The following RBFOX2 variants were observed in gnomAD, a reference collection of about 807,000 sequenced individuals.
The protein encoded by RBFOX2 is RNA binding fox-1 homolog 2, also known as RNA binding protein fox-1 homolog 2.
A neutral mutation model predicts 49.1 loss-of-function variants in RBFOX2; 10 were observed. The ratio of observed to expected loss-of-function variants is 0.20; its 90% CI spans 0.13 to 0.35. RBFOX2 has a LOEUF of 0.35. RBFOX2 is among the 10% of genes least tolerant of loss of function. The pLI, the probability that RBFOX2 is intolerant of heterozygous loss-of-function variation, is 1.00. For missense variants in RBFOX2, 323 were observed against 486.9 expected (o/e 0.66, Z 3.17); for synonymous variants, 183 against 187.4 (o/e 0.98, Z 0.19).
chr22:35,763,804 C>T (rs1376485676), intron 6 of RBFOX2, among the ~76,000 whole-genome samples: 2 of 151,986 alleles, frequency 1.3e-5, no homozygotes, highest in South Asian at 4.2e-4. Context: ...CTTAAAAAAT[C>T]CTGGTGCCAA....
intron 1 of RBFOX2, among the ~76,000 whole-genome samples, chr22:35,945,713 G>A (rs914029304): frequency 3.3e-5 from 5 of 152,086 alleles, no homozygotes; most frequent in East Asian, 1.9e-4. Context: ...CTGGGATTAC[G>A]GGAATAAGCC....
upstream of RBFOX2, among the ~76,000 whole-genome samples, chr22:35,943,182 G>A (rs2149781886): frequency 6.6e-6 from 1 of 152,344 alleles, no homozygotes; most frequent in South Asian, 2.1e-4. Context: ...TTTTGTGCCA[G>A]TCGAATAGTG....
At chr22:35,835,460 CAG>C (rs1039490868) in intron 1 of RBFOX2, among the ~76,000 whole-genome samples, 3 of 150,808 alleles carry the variant, frequency 2.0e-5, no homozygotes, top group Admixed American at 2.0e-4. Flanking sequence ...CTGTGTAGAT[CAG>C]AGTTTGGAAT....
intron 1 of RBFOX2, among the ~76,000 whole-genome samples, chr22:35,925,898 A>G (rs1249568388): frequency 6.6e-6 from 1 of 152,248 alleles, no homozygotes; most frequent in Non-Finnish European, 1.5e-5. Flanking sequence ...GCATGATTAC[A>G]TAGTACTTGC....
In RBFOX2 at chr22:36,028,428, G is replaced by A. The variant is rs911403423; in HGVS notation, c.-3C>T. 8 of 1,211,282 alleles carry A rather than the reference G, an allele frequency of 6.6e-6. No individual in the cohort carries two copies. In the African/African-American group the frequency reaches 1.3e-4, roughly 19 times the overall value. The allele number at this position is 1,211,282 out of a possible 1,614,324, so 75.0% of individuals were successfully genotyped here. On this transcript the variant is annotated 5_prime_UTR_variant, in exon 1 of 14. Transcript: ENST00000438146. ...TGCGGCTGGGCGCCCTCCGCCATCC[G>A]CCCGCGCCCCCCTCGCCTCCGGGAG...
chr22:36,010,235 C>T (rs983210864), intron 1 of RBFOX2, among the ~76,000 whole-genome samples: 3 of 152,094 alleles, frequency 2.0e-5, no homozygotes, highest in Admixed American at 1.3e-4. Context: ...ACCCATCTCT[C>T]GACTGCTAGG....
chr22:36,028,258 G>A, exon 1 of RBFOX2: 3 of 1,529,106 alleles, frequency 2.0e-6, no homozygotes, highest in East Asian at 2.7e-5. Flanking sequence ...CGCCGCCACC[G>A]TCGGCCGCCG....
At position 35,938,841 on chromosome 22, in the gene RBFOX2, A is replaced by G. The variant is rs760701398; in HGVS notation, c.-34+6T>C. On this transcript the variant is annotated splice_donor_region_variant and intron_variant, in intron 1 of 13. Coordinates refer to the RBFOX2 transcript ENST00000359369. ...ATCATCTGAGTTACAAACAGCAGATACCAACCTGGCTGTCCCGCGCTGGGA... is the reference window on the plus strand; with the variant it reads ...ATCATCTGAGTTACAAACAGCAGATGCCAACCTGGCTGTCCCGCGCTGGGA... The G allele has an allele frequency of 6.2e-7, 1 of 1,612,686 alleles. No individual in the cohort carries two copies. The highest frequency in any genetic ancestry group is 1.7e-5 in the Admixed American group (1 of 60,010).
At chr22:35,984,730 G>T (rs1189617679) in intron 1 of RBFOX2, among the ~76,000 whole-genome samples, 1 of 151,968 alleles carries the variant, frequency 6.6e-6, no homozygotes, top group Non-Finnish European at 1.5e-5. Flanking sequence ...AACAAACCCA[G>T]CCCGAAAGAA....
chr22:35,885,771 C>A (rs76123623), intron 1 of RBFOX2, among the ~76,000 whole-genome samples: 4,010 of 150,600 alleles, frequency 0.027, 61 homozygotes, highest in Middle Eastern at 0.088. Flanking sequence ...GCAAGTAAAA[C>A]ACCGTACAAG....
intron 1 of RBFOX2, among the ~76,000 whole-genome samples, chr22:35,865,457 C>T (rs2043564312): frequency 6.6e-6 from 1 of 152,068 alleles, no homozygotes; most frequent in African/African-American, 2.4e-5. Flanking sequence ...TGGTGACTGC[C>T]CTACCTACAC....
At chr22:35,987,083 G>A (rs1004400719) in intron 1 of RBFOX2, among the ~76,000 whole-genome samples, 8 of 151,248 alleles carry the variant, frequency 5.3e-5, no homozygotes, top group Non-Finnish European at 1.0e-4. Flanking sequence ...TTGTTTTTTA[G>A]TGACAAGAAT....
chr22:35,836,736 T>C, intron 1 of RBFOX2, among the ~76,000 whole-genome samples: 1 of 152,246 alleles, frequency 6.6e-6, no homozygotes, highest in Non-Finnish European at 1.5e-5. Context: ...ATCCATACTG[T>C]AAAATCTTTT....
chr22:36,023,601 TA>T (rs1302009424), intron 1 of RBFOX2, among the ~76,000 whole-genome samples: 1 of 152,156 alleles, frequency 6.6e-6, no homozygotes, highest in Non-Finnish European at 1.5e-5. Flanking sequence ...ATATTAAACT[TA>T]AAGTGAAATG....
chr22:35,831,477 T>C (rs1313417132), intron 1 of RBFOX2, among the ~76,000 whole-genome samples: 1 of 152,162 alleles, frequency 6.6e-6, no homozygotes. Flanking sequence ...AAAAGAATCA[T>C]ATTTTGTGAC....
exon 12 of RBFOX2, chr22:35,744,058 G>C: frequency 6.2e-6 from 4 of 642,628 alleles, no homozygotes; most frequent in Non-Finnish European, 9.4e-6. Context: ...GTATAAAAAA[G>C]TATTCTTTCT....
At chr22:35,989,224 C>T (rs1415207754) in intron 1 of RBFOX2, among the ~76,000 whole-genome samples, 1 of 151,930 alleles carries the variant, frequency 6.6e-6, no homozygotes, top group African/African-American at 2.4e-5. Flanking sequence ...GATGAGCTTG[C>T]CCAAGGAGAA....
At chr22:36,015,961 A>C (rs2059018170) in intron 1 of RBFOX2, among the ~76,000 whole-genome samples, 1 of 152,194 alleles carries the variant, frequency 6.6e-6, no homozygotes, top group African/African-American at 2.4e-5. Flanking sequence ...AACAGGGCTA[A>C]CTATGTAGCT....
At chr22:35,984,640 A>AT (rs200076281) in intron 1 of RBFOX2, among the ~76,000 whole-genome samples, 10 of 151,840 alleles carry the variant, frequency 6.6e-5, no homozygotes, top group South Asian at 4.2e-4. Flanking sequence ...TAGTTTCTCA[A>AT]TTTTTTTTTA....
Sources: gnomAD v4.1 joint callset for allele counts (sites outside exome capture counted in the v4.1 genomes callset) on GRCh38, gnomAD v4.1.1 for gene constraint, MANE v1.5 for transcripts, NCBI Gene and HGNC (gene_info 2026-07-23, HGNC 2026-07-21) for gene names.